Variants in IKBIP observed in about 807,000 individuals in gnomAD.
IKBIP encodes the protein IKBKB interacting protein.
In IKBIP, 28 loss-of-function variants were observed where a neutral mutation model predicts 31.0. The ratio of observed to expected loss-of-function variants is 0.90; its 90% CI spans 0.67 to 1.24. The LOEUF (loss-of-function observed/expected upper bound fraction) is 1.24, where lower values mean the gene tolerates loss of function less well. Ranked by LOEUF, IKBIP falls within the 50% of genes most tolerant of loss-of-function variation. IKBIP has a pLI of 0.00. For synonymous variants in IKBIP, 164 were observed against 160.3 expected (o/e 1.02, Z -0.17); for missense variants, 453 against 441.9 (o/e 1.03, Z -0.23).
rs2097612549 is a variant in IKBIP at position 98,624,596 on chromosome 12, T to C, written c.*1334A>G. The C allele has an allele frequency of 1.1e-6, 1 of 931,066 alleles. No homozygotes were observed. 57.7% of individuals were successfully genotyped at this position (931,066 alleles called of 1,614,324 possible). A position where few individuals can be genotyped will look rare whatever the true frequency, so the allele number is the denominator to read the frequency against. On this transcript the variant is annotated 3_prime_UTR_variant, in exon 3 of 3. Coordinates refer to ENST00000299157, the MANE Select transcript of IKBIP (RefSeq NM_153687.4). ...CTGCATTATAAAACTGGTAAGGTTA[T>C]TGACAAAGAAACAAGAACAAACTTC...
intron 2 of IKBIP, among the ~76,000 whole-genome samples, chr12:98,614,736 T>A (rs2097605328): frequency 6.6e-6 from 1 of 152,230 alleles, no homozygotes; most frequent in Admixed American, 6.5e-5. Flanking sequence ...CTGCCTTATG[T>A]TATTTTTTAA....
rs999600446 is a variant in IKBIP, at chr12:98,625,396, A to G, written c.*534T>C. 2 of 676,998 alleles carry G rather than the reference A, an allele frequency of 3.0e-6. No homozygotes were observed. Among genetic ancestry groups the G allele is most frequent in the South Asian group, 6.7e-5 (1 of 14,990 alleles). 41.9% of individuals were successfully genotyped at this position (676,998 alleles called of 1,614,324 possible). ...CTCTCCCTCAGGCATGTTATCTTTTATTTTACACAAAATTCCCATGAACTT... is the reference window on the plus strand; with the variant it reads ...CTCTCCCTCAGGCATGTTATCTTTTGTTTTACACAAAATTCCCATGAACTT... On this transcript the variant is annotated 3_prime_UTR_variant, in exon 3 of 3. Transcript: ENST00000299157.
At chr12:98,631,570 C>T (rs2097620202) in intron 2 of IKBIP, among the ~76,000 whole-genome samples, 3 of 148,172 alleles carry the variant, frequency 2.0e-5, no homozygotes, top group South Asian at 2.3e-4. Flanking sequence ...TGTGAACCAC[C>T]GTGCCCAGCC....
chr12:98,617,285 A>G (rs566804293), intron 2 of IKBIP, among the ~76,000 whole-genome samples: 38 of 152,328 alleles, frequency 2.5e-4, no homozygotes, highest in African/African-American at 8.9e-4. Flanking sequence ...CAACTTTTGT[A>G]TGTTTCAATG....
At chr12:98,633,622 T>G (rs892686826) in intron 2 of IKBIP, among the ~76,000 whole-genome samples, 4 of 147,912 alleles carry the variant, frequency 2.7e-5, no homozygotes, top group Non-Finnish European at 4.5e-5. Flanking sequence ...GTTCAAGAGA[T>G]TCTTCTGTCT....
intron 2 of IKBIP, chr12:98,614,449 G>A: frequency 1.6e-6 from 1 of 634,550 alleles, no homozygotes; most frequent in African/African-American, 1.9e-5. Context: ...TTTTGAGACA[G>A]AGGCTTGTTC....
downstream of IKBIP, among the ~76,000 whole-genome samples, chr12:98,622,402 G>A (rs1565838338): frequency 6.6e-6 from 1 of 152,062 alleles, no homozygotes; most frequent in East Asian, 1.9e-4. Context: ...TGCACCTGTA[G>A]TCCCAGCAAT....
rs1193452079 is a variant in IKBIP at position 98,626,263 on chromosome 12, T to C, written c.801A>G (p.Glu267=). 1 of 1,614,190 alleles carries C rather than the reference T, an allele frequency of 6.2e-7. No individual in the cohort carries two copies. Among genetic ancestry groups the C allele is most frequent in the Non-Finnish European group, 8.5e-7 (1 of 1,180,008 alleles). The change falls in exon 3 of 3, where the codon GAA becomes GAG. Residue 267 remains glutamate (E), a synonymous_variant. Coordinates refer to ENST00000299157, the MANE Select transcript of IKBIP (RefSeq NM_153687.4). Reference sequence around the variant, plus strand: ...TTGTTGGCAAATGTGTCTTGCATTCTTCAACTTTGGGTTCGTAGTCGGAAA... The same window carrying C: ...TTGTTGGCAAATGTGTCTTGCATTCCTCAACTTTGGGTTCGTAGTCGGAAA... The part of the protein sequence containing the change: ...NKLSDYEPKV[E]ECKTHLPTIE...
chr12:98,614,235 T>TC lies in IKBIP; in HGVS notation c.402_403insG (p.Arg135GlufsTer4). 6.2e-7 allele frequency: 1 copy of TC among 1,613,648 alleles called. No homozygotes were observed. Among genetic ancestry groups the TC allele is most frequent in the Non-Finnish European group, 8.5e-7 (1 of 1,179,766 alleles). On this transcript the variant is annotated frameshift_variant, in exon 3 of 3. Coordinates refer to the IKBIP transcript ENST00000342502. LOFTEE classifies it high-confidence loss of function. ...AGTATATCCTGTTTTTCAGTTATCC[T>TC]ATTGGACCAAGTTTTTACCTCATTA...
chr12:98,625,787 T>C lies in IKBIP; in HGVS notation c.*143A>G, dbSNP rs532690522. 4.4e-5 allele frequency: 25 copies of C among 562,258 alleles called. No individual in the cohort carries two copies. Among genetic ancestry groups the C allele is most frequent in the Non-Finnish European group, 6.5e-5 (24 of 369,076 alleles). 34.8% of individuals were successfully genotyped at this position (562,258 alleles called of 1,614,324 possible). ...AGTGCTTAAAAAGATAAGCTTTGAT[T>C]ATGTGGATAATCCATTTGTGTGGAC... On this transcript the variant is annotated 3_prime_UTR_variant, in exon 3 of 3. Transcript: ENST00000299157.
intron 1 of IKBIP, among the ~76,000 whole-genome samples, chr12:98,642,847 C>T (rs2097631839): frequency 6.6e-6 from 1 of 151,958 alleles, no homozygotes; most frequent in South Asian, 2.1e-4. Flanking sequence ...GATCCACCCA[C>T]CTTGGCCTCC....
At chr12:98,642,599 CTTTTTTTT>C (rs11380575) in intron 1 of IKBIP, among the ~76,000 whole-genome samples, 1 of 115,280 alleles carries the variant, frequency 8.7e-6, no homozygotes, top group East Asian at 2.6e-4. Flanking sequence ...ATGCTATCTG[CTTTTTTTT>C]TTTTTTTTTT....
intron 2 of IKBIP, among the ~76,000 whole-genome samples, chr12:98,632,012 C>T (rs907247221): frequency 6.0e-5 from 9 of 151,246 alleles, no homozygotes; most frequent in South Asian, 2.1e-4. Context: ...CCCGCCACCA[C>T]GCCCAGCTAA....
chr12:98,613,658 G>T, exon 3 of IKBIP: 1 of 1,583,192 alleles, frequency 6.3e-7, no homozygotes, highest in Non-Finnish European at 8.6e-7. Context: ...TGTTAAATTA[G>T]ATATTTTTTC....
chr12:98,621,382 A>AT (rs1224361270), downstream of IKBIP, among the ~76,000 whole-genome samples: 1 of 152,194 alleles, frequency 6.6e-6, no homozygotes, highest in Non-Finnish European at 1.5e-5. Context: ...CTTCTCCAAC[A>AT]TTTATTCATT....
intron 2 of IKBIP, among the ~76,000 whole-genome samples, chr12:98,628,676 T>C (rs2097617086): frequency 6.6e-6 from 1 of 152,202 alleles, no homozygotes; most frequent in Non-Finnish European, 1.5e-5. Context: ...CAGCCTTGTG[T>C]GAGACAGTGG....
Position 98,644,513 on chromosome 12 carries a change from G to C in IKBIP, c.179+10C>G. On this transcript the variant is annotated intron_variant, in intron 1 of 2. Coordinates refer to ENST00000299157, the MANE Select transcript of IKBIP (RefSeq NM_153687.4). ...AGGAGGCCGGCCCAGGCAGCCTCGCGTCCACTTACCAGGCCAGGCCCAGGC... is the reference window on the plus strand; with the variant it reads ...AGGAGGCCGGCCCAGGCAGCCTCGCCTCCACTTACCAGGCCAGGCCCAGGC... The C allele has an allele frequency of 6.3e-7, 1 of 1,583,634 alleles. No homozygotes were observed. Among genetic ancestry groups the C allele is most frequent in the East Asian group, 2.3e-5 (1 of 42,882 alleles).
chr12:98,617,570 G>A (rs2097606965), intron 2 of IKBIP, among the ~76,000 whole-genome samples: 1 of 152,126 alleles, frequency 6.6e-6, no homozygotes, highest in Non-Finnish European at 1.5e-5. Context: ...AAATGAAGAA[G>A]GGAAAATTAC....
chr12:98,626,493 C>A lies in IKBIP; in HGVS notation c.571G>T (p.Ala191Ser), dbSNP rs760208310. ...GTGAGCAATTTTATTTCCTGCTCAG[C>A]TGAGTTAATTTGGACAGTTACTTGA... Reference protein sequence around the residue: ...HSQVTVQINSAEQEIKLLTER... With the variant: ...HSQVTVQINSSEQEIKLLTER... The change falls in exon 3 of 3, where the codon GCT becomes TCT. Residue 191 changes from alanine (A) to serine (S), a missense_variant. Coordinates refer to ENST00000299157, the MANE Select transcript of IKBIP (RefSeq NM_153687.4). The A allele has an allele frequency of 6.2e-7, 1 of 1,613,484 alleles. No individual in the cohort carries two copies. The highest frequency in any genetic ancestry group is 1.7e-5 in the Admixed American group (1 of 60,012).
Sources: allele counts gnomAD v4.1 joint callset (sites outside exome capture counted in the v4.1 genomes callset), GRCh38; gene constraint gnomAD v4.1.1; transcripts MANE v1.5; gene names NCBI Gene and HGNC (gene_info 2026-07-23, HGNC 2026-07-21).